Variants in GLT8D2 observed in about 807,000 individuals in gnomAD.
GLT8D2 encodes glycosyltransferase 8 domain containing 2, also known as glycosyltransferase 8 domain-containing protein 2.
A neutral mutation model predicts 44.5 loss-of-function variants in GLT8D2; 45 were observed. The observed-to-expected ratio is 1.01, with a 90% confidence interval of 0.80 to 1.30. The LOEUF is 1.30. GLT8D2 is among the 50% of genes most tolerant of loss of function. The pLI is 0.00. For synonymous variants in GLT8D2, 156 were observed against 157.2 expected, an observed-to-expected ratio of 0.99 and a Z score of 0.06; for missense variants, 400 against 430.4, an observed-to-expected ratio of 0.93 and a Z score of 0.62.
intron 1 of GLT8D2, among the ~76,000 whole-genome samples, chr12:104,022,803 C>T (rs374344257): frequency 6.6e-6 from 1 of 151,976 alleles, no homozygotes; most frequent in Non-Finnish European, 1.5e-5. Context: ...CACACACACA[C>T]GATGCATTAT....
chr12:104,005,196 T>C (rs1874819241), intron 4 of GLT8D2, among the ~76,000 whole-genome samples: 2 of 152,212 alleles, frequency 1.3e-5, no homozygotes, highest in Non-Finnish European at 2.9e-5. Flanking sequence ...AAGCTAAAAC[T>C]GGACCCCTTC....
chr12:104,038,624 C>T (rs908731960), intron 1 of GLT8D2, among the ~76,000 whole-genome samples: 9 of 151,776 alleles, frequency 5.9e-5, no homozygotes, highest in African/African-American at 1.9e-4. Context: ...AACTACAAAC[C>T]ACTGCTCAAC....
chr12:104,003,795 A>C (rs987308819), intron 4 of GLT8D2, among the ~76,000 whole-genome samples: 1 of 152,188 alleles, frequency 6.6e-6, no homozygotes, highest in Non-Finnish European at 1.5e-5. Context: ...TGAGAGAGGA[A>C]ATAAACTTCT....
chr12:104,003,079 G>A (rs1874460385), intron 5 of GLT8D2, 56 bp downstream of exon 5: 2 of 1,390,434 alleles, frequency 1.4e-6, no homozygotes, highest in Non-Finnish European at 2.0e-6. Flanking sequence ...AGGGAGGGAG[G>A]GAAGGAGAGA....
intron 1 of GLT8D2, among the ~76,000 whole-genome samples, chr12:104,024,495 A>C (rs1878307396): frequency 6.6e-6 from 1 of 152,162 alleles, no homozygotes; most frequent in Admixed American, 6.5e-5. Context: ...AAACATTTTC[A>C]TTTTGTATTC....
chr12:104,050,893 C>A (rs1386229406), upstream of GLT8D2, among the ~76,000 whole-genome samples: 2 of 151,086 alleles, frequency 1.3e-5, no homozygotes, highest in Non-Finnish European at 2.9e-5. Flanking sequence ...CGGCTCACTG[C>A]AACCTCCGCC....
intron 1 of GLT8D2, among the ~76,000 whole-genome samples, chr12:104,045,891 A>AAAAGAAAGAAAG (rs1566213165): frequency 4.0e-5 from 2 of 49,604 alleles, no homozygotes; most frequent in South Asian, 8.1e-4. Flanking sequence ...GAAAAGAAAG[A>AAAAGAAAGAAAG]TAAGAAAGAA....
At chr12:104,028,595 TGGAAAC>T (rs1878855179) in intron 1 of GLT8D2, among the ~76,000 whole-genome samples, 1 of 152,194 alleles carries the variant, frequency 6.6e-6, no homozygotes, top group African/African-American at 2.4e-5. Context: ...CCCCTTCCCT[TGGAAAC>T]TTAAGATTCC....
chr12:104,001,446 G>T (rs1175659802), intron 5 of GLT8D2, among the ~76,000 whole-genome samples: 1 of 152,220 alleles, frequency 6.6e-6, no homozygotes, highest in Non-Finnish European at 1.5e-5. Context: ...CCTTTTGATA[G>T]ATATTGCCAT....
chr12:104,001,575 G>A (rs1477056032), intron 5 of GLT8D2, among the ~76,000 whole-genome samples: 1 of 152,134 alleles, frequency 6.6e-6, no homozygotes, highest in Non-Finnish European at 1.5e-5. Context: ...CCAACCTGAT[G>A]AGTGAAGATT....
At chr12:104,030,354 T>C (rs902168629) in intron 1 of GLT8D2, among the ~76,000 whole-genome samples, 2 of 151,994 alleles carry the variant, frequency 1.3e-5, no homozygotes, top group Non-Finnish European at 2.9e-5. Flanking sequence ...ATGAATTACA[T>C]ATTAAATAAG....
At chr12:103,992,896 C>T (rs1473607060) in intron 10 of GLT8D2, among the ~76,000 whole-genome samples, 2 of 152,216 alleles carry the variant, frequency 1.3e-5, no homozygotes, top group East Asian at 1.9e-4. Context: ...CCTCAGGTAG[C>T]TCAGAATATC....
intron 8 of GLT8D2, 130 bp downstream of exon 8, chr12:103,996,605 C>A: frequency 1.5e-6 from 1 of 654,734 alleles, no homozygotes; most frequent in Non-Finnish European, 2.7e-6. Flanking sequence ...TACTGTTCCA[C>A]CTCCCTGCAG....
intron 1 of GLT8D2, among the ~76,000 whole-genome samples, chr12:104,061,639 A>G (rs868652358): frequency 6.6e-6 from 1 of 152,300 alleles, no homozygotes; most frequent in Middle Eastern, 3.4e-3. Flanking sequence ...GTTCGCAGAC[A>G]TCTTATTTCT....
In GLT8D2 at chr12:104,014,277, C is replaced by T. The variant is rs180702235; in HGVS notation, c.112+736G>A. ...TGCTGAGGCCGGAGGATTGCTTGAG[C>T]CCTGGAGGTCGAGGCTGCAGGGAGC... On this transcript the variant is annotated intron_variant, in intron 4 of 10. Transcript: ENST00000360814. The T allele has an allele frequency of 2.4e-5, 17 of 700,598 alleles. No homozygotes were observed. The Admixed American group carries it at 3.4e-4, about 14-fold the overall frequency. 43.4% of individuals were successfully genotyped at this position (700,598 alleles called of 1,614,324 possible).
intron 3 of GLT8D2, among the ~76,000 whole-genome samples, chr12:104,017,331 A>G (rs1042642956): frequency 2.1e-4 from 32 of 152,090 alleles, no homozygotes; most frequent in African/African-American, 7.2e-4. Flanking sequence ...AGAAAACAAA[A>G]TTGGTTTTGA....
intron 6 of GLT8D2, among the ~76,000 whole-genome samples, chr12:103,998,692 G>C (rs939262035): frequency 6.6e-6 from 1 of 152,286 alleles, no homozygotes; most frequent in African/African-American, 2.4e-5. Flanking sequence ...ACAGGCATGA[G>C]CAACCACGCT....
At chr12:104,017,712 C>T (rs1472658156) in intron 3 of GLT8D2, among the ~76,000 whole-genome samples, 1 of 152,118 alleles carries the variant, frequency 6.6e-6, no homozygotes, top group African/African-American at 2.4e-5. Flanking sequence ...TAGTGCACAC[C>T]TACCTAAAGT....
At chr12:103,990,372 GCTAT>G (rs991129035) in intron 10 of GLT8D2, among the ~76,000 whole-genome samples, 5 of 151,884 alleles carry the variant, frequency 3.3e-5, no homozygotes, top group South Asian at 2.1e-4. Context: ...TAAACAAACA[GCTAT>G]CTATCTCCAC....
Sources: allele counts gnomAD v4.1 joint callset (sites outside exome capture counted in the v4.1 genomes callset), GRCh38; gene constraint gnomAD v4.1.1; transcripts MANE v1.5; gene names NCBI Gene and HGNC (gene_info 2026-07-23, HGNC 2026-07-21).